NDUFC1: variants seen among roughly 807,000 people sequenced by gnomAD.
NDUFC1 encodes the protein NADH:ubiquinone oxidoreductase subunit C1.
NDUFC1 carries 11 observed loss-of-function variants against 11.6 expected under a neutral mutation model. The observed-to-expected ratio is 0.95, with a 90% CI of 0.60 to 1.58. NDUFC1 has a LOEUF of 1.58. Among genes scored for constraint, NDUFC1 ranks in the 40% most tolerant of loss-of-function variants. The pLI is 0.00. For missense variants in NDUFC1, 112 were observed against 93.0 expected, an observed-to-expected ratio of 1.20 and a Z score of -0.84; for synonymous variants, 52 against 42.2, an observed-to-expected ratio of 1.23 and a Z score of -0.90.
At chr4:139,291,983 C>A (rs1226669518) in intron 5 of NDUFC1, among the ~76,000 whole-genome samples, 2 of 152,006 alleles carry the variant, frequency 1.3e-5, no homozygotes, top group East Asian at 3.9e-4. Flanking sequence ...ACTACAGGCG[C>A]CCGCCACAAC....
intron 1 of NDUFC1, 104 bp from the exon 2 acceptor site, chr4:139,297,547 A>G (rs1272876886): frequency 6.6e-6 from 1 of 152,206 alleles, no homozygotes; most frequent in African/African-American, 2.4e-5. Context: ...TCAGAATTTG[A>G]ACACTAAAAT....
chr4:139,301,345 G>T, intron 1 of NDUFC1: 1 of 405,070 alleles, frequency 2.5e-6, no homozygotes, highest in Non-Finnish European at 4.4e-6. Flanking sequence ...CTGAAATGAT[G>T]GGCGGGGCCT....
intron 1 of NDUFC1, among the ~76,000 whole-genome samples, chr4:139,299,809 A>G (rs73856014): frequency 0.021 from 3,137 of 152,288 alleles, 90 homozygotes; most frequent in African/African-American, 0.07. Flanking sequence ...CTAATCAGGT[A>G]CTCAGGTTCT....
At chr4:139,292,027 C>T (rs536202833) in intron 5 of NDUFC1, among the ~76,000 whole-genome samples, 128 of 152,102 alleles carry the variant, frequency 8.4e-4, no homozygotes, top group Non-Finnish European at 1.2e-3. Context: ...TTGGTAGAGA[C>T]GGTGTTTCAC....
intron 1 of NDUFC1, chr4:139,301,946 A>G (rs1368287875): frequency 2.6e-6 from 3 of 1,163,940 alleles, no homozygotes; most frequent in Non-Finnish European, 2.4e-6. Flanking sequence ...CCCCGCCTTC[A>G]TAGCTCTCGT....
chr4:139,291,303 G>A (rs1452190845), intron 5 of NDUFC1, among the ~76,000 whole-genome samples: 1 of 151,756 alleles, frequency 6.6e-6, no homozygotes, highest in African/African-American at 2.4e-5. Flanking sequence ...CTGGCCAGGC[G>A]CAGTGGCTCA....
Position 139,301,175 on chromosome 4 carries a change from G to T in NDUFC1, c.-222+1241C>A, listed in dbSNP as rs1036838882. On this transcript the variant is annotated intron_variant, in intron 1 of 5. Transcript: ENST00000394223. Reference sequence around the variant, plus strand: ...CCTACACCTGTATTTTAGCACTTTGGGCTCAAACGATGATCACACAGTGTG... The same window carrying T: ...CCTACACCTGTATTTTAGCACTTTGTGCTCAAACGATGATCACACAGTGTG... 6 of 197,590 alleles carry T rather than the reference G, an allele frequency of 3.0e-5. No homozygotes were observed. In the East Asian group the frequency reaches 7.2e-4, roughly 24 times the overall value. 12.2% of individuals were successfully genotyped at this position (197,590 alleles called of 1,614,324 possible).
chr4:139,297,213 T>C (rs1266473689), intron 2 of NDUFC1, among the ~76,000 whole-genome samples, 172 bp downstream of exon 2: 2 of 152,226 alleles, frequency 1.3e-5, no homozygotes, highest in Non-Finnish European at 2.9e-5. Flanking sequence ...ATCCAACAAG[T>C]TGAAACAGAT....
At chr4:139,293,891 T>G (rs915628166) in intron 4 of NDUFC1, among the ~76,000 whole-genome samples, 2 of 150,544 alleles carry the variant, frequency 1.3e-5, no homozygotes, top group South Asian at 4.2e-4. Context: ...GTTGTTGAAA[T>G]GATTAAACGC....
rs1381044156 is a variant in NDUFC1 at position 139,295,815 on chromosome 4, C to T, written c.-17G>A. On this transcript the variant is annotated 5_prime_UTR_variant, in exon 3 of 6. Transcript: ENST00000394223. ...CGGCGCCATCTTGCGTGGCCCAGCT[C>T]AGTCTCTCCGAGTTGGCAACAGAAC... is the stretch of plus-strand genomic sequence containing the variant. The T allele has an allele frequency of 7.1e-6, 11 of 1,543,124 alleles. No individual in the cohort carries two copies. Among genetic ancestry groups the T allele is most frequent in the Non-Finnish European group, 9.6e-6 (11 of 1,144,358 alleles).
chr4:139,301,774 A>G, intron 1 of NDUFC1: 1 of 1,575,248 alleles, frequency 6.3e-7, no homozygotes, highest in Non-Finnish European at 8.6e-7. Flanking sequence ...GAGCAGCCGG[A>G]ACGATGCCGG....
intron 1 of NDUFC1, chr4:139,301,898 C>T (rs1215189761): frequency 4.1e-5 from 62 of 1,512,080 alleles, no homozygotes; most frequent in Non-Finnish European, 5.0e-5. Flanking sequence ...TCACCCCTAA[C>T]CTCGGCCCGG....
intron 4 of NDUFC1, among the ~76,000 whole-genome samples, chr4:139,293,836 T>G (rs940059663): frequency 6.6e-6 from 1 of 152,066 alleles, no homozygotes; most frequent in Non-Finnish European, 1.5e-5. Context: ...TTTCTCCAAG[T>G]GTTTCTTATC....
intron 4 of NDUFC1, among the ~76,000 whole-genome samples, chr4:139,292,826 T>A (rs747857698): frequency 5.9e-4 from 88 of 149,898 alleles, no homozygotes; most frequent in East Asian, 7.8e-4. Flanking sequence ...ATATATATAT[T>A]TATTTATTTA....
At chr4:139,294,461 G>T (rs191176378) in intron 4 of NDUFC1, among the ~76,000 whole-genome samples, 50 of 151,972 alleles carry the variant, frequency 3.3e-4, no homozygotes, top group African/African-American at 1.1e-3. Context: ...CTATTGCCGG[G>T]CGTGGTGGCT....
At chr4:139,290,635 T>C (rs1745172528) in intron 5 of NDUFC1, among the ~76,000 whole-genome samples, 1 of 152,138 alleles carries the variant, frequency 6.6e-6, no homozygotes, top group African/African-American at 2.4e-5. Flanking sequence ...AACCCAATTA[T>C]GAAAGCTGAG....
Position 139,298,298 on chromosome 4 carries a change from G to A in NDUFC1, c.-221-855C>T, listed in dbSNP as rs189433066. Among the ~76,000 whole-genome samples the A allele has an allele frequency of 2.0e-3, 298 of 151,654 alleles. 3 individuals carry two copies. Among genetic ancestry groups the A allele is most frequent in the Non-Finnish European group, 1.1e-3 (75 of 67,938 alleles). On this transcript the variant is annotated intron_variant, in intron 1 of 5. Transcript: ENST00000394223. Reference sequence around the variant, plus strand: ...CTACTAAAAATACAAAATTAGCCGGGCATGGTGGTGCATGCCTGTAATTCC... The same window carrying A: ...CTACTAAAAATACAAAATTAGCCGGACATGGTGGTGCATGCCTGTAATTCC...
intron 2 of NDUFC1, among the ~76,000 whole-genome samples, 160 bp downstream of exon 2, chr4:139,297,225 C>T (rs1177908289): frequency 1.3e-5 from 2 of 152,320 alleles, no homozygotes; most frequent in East Asian, 3.9e-4. Context: ...GAAACAGATG[C>T]TATCTTTAGT....
intron 3 of NDUFC1, 134 bp from the exon 4 acceptor site, chr4:139,295,280 T>C (rs151245363): frequency 4.2e-6 from 3 of 711,044 alleles, no homozygotes; most frequent in East Asian, 2.7e-5. Context: ...GCCAAGGAAA[T>C]AGAGGTTCAA....
Sources: allele counts gnomAD v4.1 joint callset (sites outside exome capture counted in the v4.1 genomes callset), GRCh38; gene constraint gnomAD v4.1.1; transcripts MANE v1.5; gene names NCBI Gene and HGNC (gene_info 2026-07-23, HGNC 2026-07-21).